EVC: variants seen among roughly 807,000 people sequenced by gnomAD.
EVC encodes the protein EvC ciliary complex subunit 1.
EVC carries 116 observed loss-of-function variants against 118.9 expected under a neutral mutation model. The ratio of observed to expected loss-of-function variants is 0.98; its 90% CI spans 0.84 to 1.14. The LOEUF (loss-of-function observed/expected upper bound fraction) is 1.14, where lower values mean the gene tolerates loss of function less well. EVC is among the 50% of genes most tolerant of loss of function. The probability of loss-of-function intolerance (pLI) is 0.00; values close to 1 mark genes in which losing one functional copy is unlikely to be tolerated. For missense variants in EVC, 1,401 were observed against 1,246.4 expected (o/e 1.12, Z -1.87); for synonymous variants, 619 against 534.7 (o/e 1.16, Z -2.18).
chr4:5,745,337 A>T lies in EVC; in HGVS notation c.935A>T (p.Asp312Val). 1.2e-6 allele frequency: 2 copies of T among 1,613,852 alleles called. No individual in the cohort carries two copies. Among genetic ancestry groups the T allele is most frequent in the Non-Finnish European group, 1.7e-6 (2 of 1,179,952 alleles). ...KEREYSEQLIDNMEAFWKQMA... is the reference protein window; with the variant it reads ...KEREYSEQLIVNMEAFWKQMA... ...AGAGAATACTCTGAACAGCTAATCG[A>T]TAATGTGCGTGCCAGACTTTCTTTC... Residue 312 changes from aspartate (D) to valine (V), a missense_variant, in exon 7 of 21, where the codon GAT (aspartate) becomes GTT (valine). Transcript: ENST00000264956.
chr4:5,719,197 C>T lies in EVC; in HGVS notation c.175-51C>T, dbSNP rs779945621. On this transcript the variant is annotated intron_variant, in intron 1 of 20. Coordinates refer to ENST00000264956, the MANE Select transcript of EVC (RefSeq NM_153717.3). The surrounding 1 kb of genome is among the most constrained non-coding windows in gnomAD (Gnocchi z 4.7). ...TCACGGTGGGGACCAGGCCGACTGA[C>T]CTCAATGTTGTGTTTCTATCCACCC... 9 of 1,613,248 alleles carry T rather than the reference C, an allele frequency of 5.6e-6. No individual in the cohort carries two copies. Among genetic ancestry groups the T allele is most frequent in the Non-Finnish European group, 7.6e-6 (9 of 1,179,488 alleles).
intron 5 of EVC, among the ~76,000 whole-genome samples, 155 bp from the exon 6 acceptor site, chr4:5,741,561 C>T (rs1365703858): frequency 6.6e-6 from 1 of 151,842 alleles, no homozygotes; most frequent in African/African-American, 2.4e-5. Flanking sequence ...GAGTTCCTTT[C>T]CTTCAGCAAA....
chr4:5,770,432 G>C (rs1166023593), intron 11 of EVC, among the ~76,000 whole-genome samples: 1 of 152,170 alleles, frequency 6.6e-6, no homozygotes, highest in East Asian at 1.9e-4. Context: ...CCAAGGACAG[G>C]CCAGACCCCT....
At chr4:5,783,835 C>T (rs929179739) in intron 12 of EVC, 71 bp downstream of exon 12, 9 of 1,423,096 alleles carry the variant, frequency 6.3e-6, no homozygotes, top group African/African-American at 2.8e-5. Flanking sequence ...TGAGAGATCT[C>T]ACGTCCTGAA....
Position 5,801,970 on chromosome 4 carries a change from AGTGGAGAGCGTCTAC to A in EVC, c.2329_2343del (p.Glu777_Val781del). 6.2e-7 allele frequency: 1 copy of A among 1,613,758 alleles called. No homozygotes were observed. Among genetic ancestry groups the A allele is most frequent in the Non-Finnish European group, 8.5e-7 (1 of 1,179,994 alleles). On this transcript the variant is annotated inframe_deletion, in exon 16 of 21. Coordinates refer to ENST00000264956, the MANE Select transcript of EVC (RefSeq NM_153717.3). Reference sequence around the variant, plus strand: ...CTCAGAGGACACTGATGGAGGCGGCAGTGGAGAGCGTCTACGTGACCAGCGCTGGTGTCAGCCGCC... The same window carrying A: ...CTCAGAGGACACTGATGGAGGCGGCAGTGACCAGCGCTGGTGTCAGCCGCC...
At chr4:5,819,487 G>C in the EVC span, among the ~76,000 whole-genome samples, 2 of 152,324 alleles carry the variant, frequency 1.3e-5, no homozygotes, top group South Asian at 4.1e-4. Context: ...CCCTGTAACT[G>C]TGCCTCTTGG....
intron 12 of EVC, among the ~76,000 whole-genome samples, chr4:5,784,113 C>A (rs1410799618): frequency 6.6e-6 from 1 of 152,112 alleles, no homozygotes. Flanking sequence ...ACACAGGACT[C>A]CTGTTTTTCA....
At chr4:5,790,721 A>G (rs1380151590) in intron 12 of EVC, among the ~76,000 whole-genome samples, 1 of 152,214 alleles carries the variant, frequency 6.6e-6, no homozygotes, top group Non-Finnish European at 1.5e-5. Flanking sequence ...TTTTAAAAAC[A>G]GAGGAGATTA....
In EVC at chr4:5,719,278, T is replaced by C. The variant is rs1056083897; in HGVS notation, c.205T>C (p.Leu69=). The C allele has an allele frequency of 1.1e-5, 18 of 1,613,968 alleles. No individual in the cohort carries two copies. The highest frequency in any genetic ancestry group is 1.5e-5 in the Non-Finnish European group (18 of 1,180,034). The change falls in exon 2 of 21, where the codon TTG becomes CTG. Residue 69 remains leucine, a synonymous_variant. Coordinates refer to ENST00000264956, the MANE Select transcript of EVC (RefSeq NM_153717.3). The surrounding 1 kb of genome is among the most constrained non-coding windows in gnomAD (Gnocchi z 4.7). ...CGACACTCAAAATCTGCTCAAGAAT[T>C]TGGAGTCTAATGCGCAGACCCCCTC... ...KDDTQNLLKN[L]ESNAQTPSET...
rs181652749 is a variant in EVC at position 5,798,889 on chromosome 4, C to A, written c.2304+97C>A. The A allele has an allele frequency of 6.8e-6, 9 of 1,326,796 alleles. No homozygotes were observed. Among genetic ancestry groups the A allele is most frequent in the Non-Finnish European group, 9.5e-6 (9 of 943,452 alleles). The allele number at this position is 1,326,796 out of a possible 1,614,324, so 82.2% of individuals were successfully genotyped here. A position where few individuals can be genotyped will look rare whatever the true frequency, so the allele number is the denominator to read the frequency against. ...GCTCCTTGCCACACCGTTCATGGAG[C>A]TTGTGGCCTAGTAGACTTTGCCTGA... On this transcript the variant is annotated intron_variant, in intron 15 of 20. Transcript: ENST00000264956. The surrounding 1 kb of genome is among the most constrained non-coding windows in gnomAD (Gnocchi z 4.1).
At chr4:5,825,669 G>T in the EVC span, 3 of 1,612,298 alleles carry the variant, frequency 1.9e-6, no homozygotes, top group South Asian at 3.3e-5. The surrounding 1 kb of genome is among the most constrained non-coding windows in gnomAD (Gnocchi z 4.4). Context: ...CCTAAACAGA[G>T]GAAGGGAGAG....
intron 5 of EVC, among the ~76,000 whole-genome samples, chr4:5,740,595 T>G (rs916121911): frequency 6.6e-6 from 1 of 152,098 alleles, no homozygotes; most frequent in Non-Finnish European, 1.5e-5. Flanking sequence ...TAACTGGAAT[T>G]CATCAAAATT....
Position 5,783,601 on chromosome 4 carries a change from T to C in EVC, c.1613T>C (p.Leu538Pro). 1 of 1,614,206 alleles carries C rather than the reference T, an allele frequency of 6.2e-7. No homozygotes were observed. The highest frequency in any genetic ancestry group is 8.5e-7 in the Non-Finnish European group (1 of 1,180,024). The change falls in exon 12 of 21, where the codon CTG becomes CCG. Residue 538 changes from leucine (L) to proline (P), a missense_variant. Leu to Pro is a moderately conservative substitution (Grantham distance 98). Transcript: ENST00000264956. ...VDTFQKFVDA[L>P]FLQTLPGMTG... ...ACTTTCCAGAAGTTCGTGGATGCCC[T>C]GTTCCTTCAGACGCTCCCTGGCATG...
chr4:5,739,814 C>G (rs1274702032), intron 5 of EVC, among the ~76,000 whole-genome samples: 1 of 151,076 alleles, frequency 6.6e-6, no homozygotes, highest in South Asian at 2.1e-4. Context: ...GCCTATAATC[C>G]CAGCACTTTG....
intron 11 of EVC, chr4:5,758,285 G>A (rs1731494374): frequency 3.5e-6 from 2 of 574,948 alleles, no homozygotes. Context: ...GGAACGGTGA[G>A]AGAATAAACT....
chr4:5,758,280 G>T, intron 11 of EVC: 1 of 575,488 alleles, frequency 1.7e-6, no homozygotes, highest in South Asian at 2.2e-5. Flanking sequence ...CCTCCGGAAC[G>T]GTGAGAGAAT....
chr4:5,810,237 C>A, intron 19 of EVC, 102 bp from the exon 20 acceptor site: 1 of 897,774 alleles, frequency 1.1e-6, no homozygotes, highest in Non-Finnish European at 1.8e-6. Flanking sequence ...TTGGCCCACA[C>A]AACATGCTCA....
intron 11 of EVC, among the ~76,000 whole-genome samples, chr4:5,772,928 C>G (rs1734207466): frequency 6.6e-6 from 1 of 152,126 alleles, no homozygotes; most frequent in Non-Finnish European, 1.5e-5. Flanking sequence ...TTAGGGGAGC[C>G]CTCCTCTGAC....
rs1358351963 is a variant in EVC, at chr4:5,742,912, G to C, written c.801+1098G>C. ...GAATGGTGCCACTCCTTGCGGAGCA[G>C]GGCTAACCCGTAGGCAGTGTGCCCA... On this transcript the variant is annotated intron_variant, in intron 6 of 20. Coordinates refer to ENST00000264956, the MANE Select transcript of EVC (RefSeq NM_153717.3). This position sits in a 1 kb window ranked among gnomAD's most constrained non-coding sequence, Gnocchi z 5.2. Among the ~76,000 whole-genome samples the C allele has an allele frequency of 6.6e-6, 1 of 152,212 alleles. No individual in the cohort carries two copies. Among genetic ancestry groups the C allele is most frequent in the East Asian group, 1.9e-4 (1 of 5,192 alleles).
Sources: gnomAD v4.1 joint callset for allele counts (sites outside exome capture counted in the v4.1 genomes callset) on GRCh38, gnomAD v4.1.1 for gene constraint, Gnocchi (gnomAD v3.1) non-coding constraint, MANE v1.5 for transcripts, NCBI Gene and HGNC (gene_info 2026-07-23, HGNC 2026-07-21) for gene names.